The following RIC8B variants were observed in gnomAD, a reference collection of about 807,000 sequenced individuals.
RIC8B encodes chaperone Ric-8B.
RIC8B carries 16 observed loss-of-function variants against 57.5 expected under a neutral mutation model. The ratio of observed to expected loss-of-function variants is 0.28; its 90% CI spans 0.19 to 0.42. The LOEUF (loss-of-function observed/expected upper bound fraction) is 0.42, where lower values mean the gene tolerates loss of function less well. RIC8B is among the 10% of genes least tolerant of loss of function. RIC8B has a pLI of 1.00. For missense variants in RIC8B, 481 were observed against 677.0 expected (o/e 0.71, Z 3.21); for synonymous variants, 216 against 250.8 (o/e 0.86, Z 1.31).
chr12:106,873,087 G>A, intron 9 of RIC8B: 1 of 985,344 alleles, frequency 1.0e-6, no homozygotes, highest in Non-Finnish European at 1.2e-6. Context: ...CGTCAAGTCT[G>A]AAATACCCCA....
intron 2 of RIC8B, among the ~76,000 whole-genome samples, chr12:106,789,659 A>G (rs2044183503): frequency 2.0e-5 from 3 of 152,180 alleles, no homozygotes; most frequent in African/African-American, 7.2e-5. Flanking sequence ...CCATGATTCA[A>G]ATTATCTCTC....
intron 9 of RIC8B, among the ~76,000 whole-genome samples, chr12:106,876,674 T>G (rs557143401): frequency 2.0e-5 from 3 of 152,270 alleles, no homozygotes; most frequent in African/African-American, 7.2e-5. Flanking sequence ...TAGTCATTGT[T>G]CTTTAGATCT....
rs1298810398 is a variant in RIC8B at position 106,783,223 on chromosome 12, C to A, written c.85-774C>A. 2.0e-5 allele frequency among the ~76,000 whole-genome samples: 3 copies of A among 152,088 alleles called. No individual in the cohort carries two copies. The East Asian group carries it at 5.8e-4, about 29-fold the overall frequency. On this transcript the variant is annotated intron_variant, in intron 1 of 9. Coordinates refer to ENST00000392837, the MANE Select transcript of RIC8B (RefSeq NM_001330145.2). ...CCCTAATATTTACTGAGTATTGCTACTTGCCAGCACTGAGATTGTGCTTTA... is the reference window on the plus strand; with the variant it reads ...CCCTAATATTTACTGAGTATTGCTAATTGCCAGCACTGAGATTGTGCTTTA...
intron 2 of RIC8B, 127 bp from the exon 3 acceptor site, chr12:106,814,569 T>C (rs2045486863): frequency 1.0e-6 from 1 of 1,003,952 alleles, no homozygotes; most frequent in African/African-American, 1.6e-5. Context: ...TTCCGTGATT[T>C]AAAAAATAAT....
At chr12:106,798,042 CAG>C in intron 2 of RIC8B, 1 of 716,640 alleles carries the variant, frequency 1.4e-6, no homozygotes, top group Non-Finnish European at 2.6e-6. Context: ...ATAGCGTTGA[CAG>C]AAAACAGAAG....
Position 106,814,686 on chromosome 12 carries a change from TG to T in RIC8B, c.133-9del, listed in dbSNP as rs2045491746. On this transcript the variant is annotated splice_polypyrimidine_tract_variant and intron_variant, in intron 2 of 9. Coordinates refer to ENST00000392837, the MANE Select transcript of RIC8B (RefSeq NM_001330145.2). ...ATAATGATTTTTGCATACTCGTTCT[TG>T]TTTTTCAGAAACTCTGTGAAGGCAT... The T allele has an allele frequency of 1.9e-6, 3 of 1,570,130 alleles. No homozygotes were observed. The highest frequency in any genetic ancestry group is 2.6e-6 in the Non-Finnish European group (3 of 1,160,780).
intron 4 of RIC8B, among the ~76,000 whole-genome samples, chr12:106,840,058 T>C (rs2046801515): frequency 6.6e-6 from 1 of 152,068 alleles, no homozygotes; most frequent in African/African-American, 2.4e-5. Flanking sequence ...GGAAAATCTT[T>C]TGGAGATTTT....
intron 9 of RIC8B, among the ~76,000 whole-genome samples, chr12:106,885,562 C>G (rs1029709192): frequency 7.3e-6 from 1 of 136,496 alleles, no homozygotes; most frequent in Non-Finnish European, 1.6e-5. Context: ...TTGTCTAAAA[C>G]AAAACCAATC....
At chr12:106,817,960 C>T (rs560700513) in intron 3 of RIC8B, among the ~76,000 whole-genome samples, 16 of 152,134 alleles carry the variant, frequency 1.1e-4, no homozygotes, top group Non-Finnish European at 2.4e-4. Flanking sequence ...TGGGCAAGCC[C>T]ATAAAGAATT....
intron 3 of RIC8B, chr12:106,823,192 T>C (rs893753414): frequency 4.2e-5 from 11 of 263,266 alleles, no homozygotes; most frequent in Non-Finnish European, 8.5e-5. Context: ...AAACAAAGTG[T>C]ATGCAAGTAA....
chr12:106,815,055 C>G lies in RIC8B; in HGVS notation c.492C>G (p.Asp164Glu). The G allele has an allele frequency of 6.2e-7, 1 of 1,614,230 alleles. No homozygotes were observed. Among genetic ancestry groups the G allele is most frequent in the Non-Finnish European group, 8.5e-7 (1 of 1,180,046 alleles). The change falls in exon 3 of 10, where the codon GAC becomes GAG. Residue 164 changes from aspartate (D) to glutamate (E), a missense_variant. Coordinates refer to ENST00000392837, the MANE Select transcript of RIC8B (RefSeq NM_001330145.2). ...TTATCAATGACATTAAGTGCTTTGA[C>G]TTGCGCTTGCTCTTCCTTCTGTCAC... Reference protein sequence around the residue: ...RKFINDIKCFDLRLLFLLSLL... With the variant: ...RKFINDIKCFELRLLFLLSLL...
intron 6 of RIC8B, among the ~76,000 whole-genome samples, chr12:106,844,587 T>C (rs1029283004): frequency 2.6e-5 from 4 of 152,128 alleles, no homozygotes; most frequent in African/African-American, 7.2e-5. Flanking sequence ...TGAGAAGATA[T>C]TGGAGTGTTT....
chr12:106,861,033 T>G (rs906699480), intron 8 of RIC8B, among the ~76,000 whole-genome samples: 1 of 152,036 alleles, frequency 6.6e-6, no homozygotes, highest in African/African-American at 2.4e-5. Flanking sequence ...CTATAATTAT[T>G]CTCTTTTATC....
At position 106,879,659 on chromosome 12, in the gene RIC8B, AG is replaced by A. The variant is rs1950836435; in HGVS notation, c.1572-6242del. The A allele has an allele frequency of 1.0e-6, 1 of 985,310 alleles. No homozygotes were observed. Among genetic ancestry groups the A allele is most frequent in the South Asian group, 4.7e-5 (1 of 21,288 alleles). The allele number at this position is 985,310 out of a possible 1,614,324, so 61.0% of individuals were successfully genotyped here. On this transcript the variant is annotated intron_variant, in intron 9 of 9. Coordinates refer to ENST00000392837, the MANE Select transcript of RIC8B (RefSeq NM_001330145.2). The surrounding 1 kb of genome is among the most constrained non-coding windows in gnomAD (Gnocchi z 4.9). ...CCCAAGGGTTAGGCTGGGGCAAAATAGGGTTTCCTTTCTTGGACGTGCTTTA... is the reference window on the plus strand; with the variant it reads ...CCCAAGGGTTAGGCTGGGGCAAAATAGGTTTCCTTTCTTGGACGTGCTTTA...
chr12:106,831,339 G>GA (rs1238010698), intron 4 of RIC8B, among the ~76,000 whole-genome samples: 1 of 152,048 alleles, frequency 6.6e-6, no homozygotes, highest in African/African-American at 2.4e-5. Context: ...AGGATTAAGA[G>GA]AAAAAAAATT....
chr12:106,849,407 TCTTCCAAAGCGCTGGGATTA>T (rs1325882500), intron 6 of RIC8B, among the ~76,000 whole-genome samples: 1 of 150,540 alleles, frequency 6.6e-6, no homozygotes, highest in Non-Finnish European at 1.5e-5. Context: ...CCTGCCTTGG[TCTTCCAAAGCGCTGGGATTA>T]CAGGTGTGAG....
intron 4 of RIC8B, among the ~76,000 whole-genome samples, chr12:106,836,038 C>T (rs942053597): frequency 1.3e-5 from 2 of 152,198 alleles, no homozygotes; most frequent in Admixed American, 6.5e-5. Context: ...CTTAGAATGG[C>T]TATTGTTAGG....
At chr12:106,779,768 T>C (rs1685301955) in intron 1 of RIC8B, among the ~76,000 whole-genome samples, 1 of 150,990 alleles carries the variant, frequency 6.6e-6, no homozygotes, top group Non-Finnish European at 1.5e-5. Flanking sequence ...TGGGTCCTAA[T>C]CACCTCAACT....
At chr12:106,866,164 A>G (rs1950131737) in intron 8 of RIC8B, among the ~76,000 whole-genome samples, 1 of 151,638 alleles carries the variant, frequency 6.6e-6, no homozygotes, top group Non-Finnish European at 1.5e-5. Context: ...AAGAGGGAAG[A>G]GGAGTTTTTG....
Sources: gnomAD v4.1 joint callset for allele counts (sites outside exome capture counted in the v4.1 genomes callset) on GRCh38, gnomAD v4.1.1 for gene constraint, Gnocchi (gnomAD v3.1) non-coding constraint, MANE v1.5 for transcripts, NCBI Gene and HGNC (gene_info 2026-07-23, HGNC 2026-07-21) for gene names.